DCLK1: variants seen among roughly 807,000 people sequenced by gnomAD.
DCLK1 encodes serine/threonine-protein kinase DCLK1.
Under a neutral mutation model 86.2 loss-of-function variants are expected in DCLK1, and 16 were observed. The ratio of observed to expected loss-of-function variants is 0.19; its 90% confidence interval spans 0.13 to 0.28. DCLK1 has a LOEUF of 0.28. Ranked by LOEUF, DCLK1 falls within the 10% of genes least tolerant of loss-of-function variation. DCLK1 has a pLI of 1.00. For missense variants in DCLK1, 590 were observed against 940.2 expected (o/e 0.63, Z 4.87); for synonymous variants, 369 against 370.5 (o/e 1.00, Z 0.05).
chr13:36,074,838 T>G (rs1240974683), intron 3 of DCLK1, among the ~76,000 whole-genome samples: 1 of 152,226 alleles, frequency 6.6e-6, no homozygotes, highest in Admixed American at 6.5e-5. Flanking sequence ...CCTTATGCTT[T>G]GTGCAGCCAA....
chr13:35,912,051 A>C (rs1875069777), intron 4 of DCLK1, among the ~76,000 whole-genome samples: 1 of 151,874 alleles, frequency 6.6e-6, no homozygotes, highest in Non-Finnish European at 1.5e-5. Context: ...AATTAAATGG[A>C]ATATGTTTCA....
intron 3 of DCLK1, among the ~76,000 whole-genome samples, chr13:36,078,911 G>A (rs920941202): frequency 5.9e-5 from 9 of 152,084 alleles, no homozygotes; most frequent in Admixed American, 3.9e-4. Flanking sequence ...AATGTGACTC[G>A]CTGCACCGAG....
chr13:36,021,671 C>T (rs2153150705), intron 3 of DCLK1, among the ~76,000 whole-genome samples: 1 of 152,078 alleles, frequency 6.6e-6, no homozygotes, highest in African/African-American at 2.4e-5. Context: ...TTTTTAACGA[C>T]AAAGGGTCAA....
chr13:36,070,551 G>C (rs914037113), intron 3 of DCLK1, among the ~76,000 whole-genome samples: 4 of 152,168 alleles, frequency 2.6e-5, no homozygotes, highest in Admixed American at 2.6e-4. Context: ...CAAAGTTTCT[G>C]CAAGGATTGG....
intron 2 of DCLK1, among the ~76,000 whole-genome samples, chr13:36,119,020 T>C (rs1002081100): frequency 6.6e-6 from 1 of 152,190 alleles, no homozygotes; most frequent in Admixed American, 6.5e-5. Flanking sequence ...CCTTAATACC[T>C]TTACATGTGA....
At chr13:35,863,594 A>G (rs1328263449) in intron 5 of DCLK1, among the ~76,000 whole-genome samples, 3 of 152,174 alleles carry the variant, frequency 2.0e-5, no homozygotes, top group South Asian at 2.1e-4. Flanking sequence ...GACACAAGGG[A>G]TGAATCACCA....
intron 16 of DCLK1, among the ~76,000 whole-genome samples, chr13:35,782,695 A>G (rs1467123195): frequency 1.3e-5 from 2 of 152,214 alleles, no homozygotes; most frequent in Non-Finnish European, 2.9e-5. Context: ...TTATTTGTTA[A>G]CTTAACAAAT....
Position 35,822,807 on chromosome 13 carries a change from C to T in DCLK1, c.1476G>A (p.Leu492=), listed in dbSNP as rs1280126645. The change falls in exon 11 of 17, where the codon CTG becomes CTA. Residue 492 remains leucine, a synonymous_variant. Transcript: ENST00000360631. ...KYTERDASGM[L]YNLASAIKYL... The stretch of plus-strand genomic sequence containing the variant: ...ATTTGATGGCGCTGGCTAGGTTGTA[C>T]AGCATCCCACTGGCGTCTCTCTCGG... The T allele has an allele frequency of 1.2e-6, 2 of 1,613,788 alleles. No homozygotes were observed. Among genetic ancestry groups the T allele is most frequent in the Non-Finnish European group, 1.7e-6 (2 of 1,179,976 alleles).
intron 6 of DCLK1, among the ~76,000 whole-genome samples, chr13:35,840,680 C>T (rs1056165380): frequency 4.6e-5 from 7 of 152,284 alleles, no homozygotes; most frequent in Admixed American, 2.6e-4. Context: ...CAGCAGCACA[C>T]ATTTGTCATA....
Position 36,102,853 on chromosome 13 carries a change from C to T in DCLK1, c.723+9016G>A, listed in dbSNP as rs576389302. Among the ~76,000 whole-genome samples the T allele has an allele frequency of 2.4e-4, 36 of 152,200 alleles. No homozygotes were observed. The South Asian group carries it at 6.9e-3, about 29-fold the overall frequency. ...ACTTTGGAACATGATTACTATCAGC[C>T]GTAAGTCAGAAGATAGACAAAAGAG... On this transcript the variant is annotated intron_variant, in intron 3 of 16. Coordinates refer to ENST00000360631, the MANE Select transcript of DCLK1 (RefSeq NM_001330071.2).
At chr13:35,816,199 C>T (rs1483685023) in intron 11 of DCLK1, among the ~76,000 whole-genome samples, 1 of 152,182 alleles carries the variant, frequency 6.6e-6, no homozygotes, top group African/African-American at 2.4e-5. Flanking sequence ...ACATTTCTGT[C>T]ACACAATTAT....
intron 2 of DCLK1, among the ~76,000 whole-genome samples, chr13:36,122,496 G>A (rs1414571279): frequency 6.6e-6 from 1 of 152,156 alleles, no homozygotes; most frequent in African/African-American, 2.4e-5. Flanking sequence ...GGACAAATCA[G>A]TCAATCCATC....
At position 35,793,405 on chromosome 13, in the gene DCLK1, G is replaced by A; in HGVS notation, c.2019C>T (p.Pro673=). 1 of 1,609,216 alleles carries A rather than the reference G, an allele frequency of 6.2e-7. No homozygotes were observed. The highest frequency in any genetic ancestry group is 1.7e-5 in the Admixed American group (1 of 59,516). Residue 673 remains proline (P), a synonymous_variant, in exon 16 of 17, where the codon CCC becomes CCT. Transcript: ENST00000360631. The part of the protein sequence containing the change: ...GKIKKHFNTG[P]KPNSTAAGVS... ...CTCCAGCTGCTGTGCTATTCGGCTT[G>A]GGGCCTGTGTTGAAATGCTTCTTTA... is the stretch of plus-strand genomic sequence containing the variant.
At chr13:36,043,197 A>C (rs1378295080) in intron 3 of DCLK1, among the ~76,000 whole-genome samples, 1 of 152,166 alleles carries the variant, frequency 6.6e-6, no homozygotes, top group Non-Finnish European at 1.5e-5. Flanking sequence ...AAATTTGGGA[A>C]AGTGTAATTG....
Position 35,808,324 on chromosome 13 carries a change from T to C in DCLK1, c.1767-4A>G. 2 of 1,613,630 alleles carry C rather than the reference T, an allele frequency of 1.2e-6. No individual in the cohort carries two copies. Among genetic ancestry groups the C allele is most frequent in the South Asian group, 1.1e-5 (1 of 91,070 alleles). On this transcript the variant is annotated splice_region_variant and splice_polypyrimidine_tract_variant and intron_variant, in intron 13 of 16. Transcript: ENST00000360631. ...CACCTCCTGGTCATCACCACTTCTG[T>C]TTAGGTGAACGACAACAAGGAAAAA...
chr13:35,849,881 C>A (rs1286365992), intron 6 of DCLK1: 21 of 956,298 alleles, frequency 2.2e-5, no homozygotes, highest in Admixed American at 6.2e-5. Flanking sequence ...AAAAAAAATT[C>A]CCAGCTTTAG....
intron 4 of DCLK1, among the ~76,000 whole-genome samples, chr13:35,903,421 T>A (rs1348463390): frequency 1.3e-5 from 2 of 152,120 alleles, no homozygotes; most frequent in African/African-American, 4.8e-5. Context: ...TTAATATGCT[T>A]CCTCTCTCTC....
At chr13:35,853,801 C>T (rs1870841511) in intron 6 of DCLK1, among the ~76,000 whole-genome samples, 2 of 152,082 alleles carry the variant, frequency 1.3e-5, no homozygotes, top group South Asian at 4.1e-4. Context: ...CCCCTTTGCC[C>T]CCTTCCCACT....
At chr13:35,957,398 C>A (rs1335216398) in intron 3 of DCLK1, among the ~76,000 whole-genome samples, 1 of 152,166 alleles carries the variant, frequency 6.6e-6, no homozygotes, top group Non-Finnish European at 1.5e-5. Context: ...GGTGCTATGA[C>A]TTTCCCTCTT....
Sources: allele counts gnomAD v4.1 joint callset (sites outside exome capture counted in the v4.1 genomes callset), GRCh38; gene constraint gnomAD v4.1.1; transcripts MANE v1.5; gene names NCBI Gene and HGNC (gene_info 2026-07-23, HGNC 2026-07-21).